TAFA1: variants seen among roughly 807,000 people sequenced by gnomAD.
TAFA1 encodes the protein chemokine-like protein TAFA-1.
A neutral mutation model predicts 18.5 loss-of-function variants in TAFA1; 4 were observed. The observed-to-expected ratio is 0.22, with a 90% CI of 0.11 to 0.49. The LOEUF is 0.49. Ranked by LOEUF, TAFA1 falls within the 20% of genes least tolerant of loss-of-function variation. The probability of loss-of-function intolerance (pLI) is 0.98; values close to 1 mark genes in which losing one functional copy is unlikely to be tolerated. For synonymous variants in TAFA1, 56 were observed against 55.2 expected, an observed-to-expected ratio of 1.01 and a Z score of -0.06; for missense variants, 147 against 169.0, an observed-to-expected ratio of 0.87 and a Z score of 0.72.
intron 2 of TAFA1, among the ~76,000 whole-genome samples, chr3:68,053,704 T>A (rs1033842329): frequency 2.0e-5 from 3 of 152,016 alleles, no homozygotes; most frequent in African/African-American, 7.2e-5. Context: ...ATTTTAGATT[T>A]TATTTTATTA....
At chr3:68,080,381 G>A (rs184209920) in intron 2 of TAFA1, among the ~76,000 whole-genome samples, 24 of 151,646 alleles carry the variant, frequency 1.6e-4, no homozygotes, top group East Asian at 1.4e-3. Flanking sequence ...TATTTTGCTC[G>A]TTAGTTGATG....
intron 2 of TAFA1, among the ~76,000 whole-genome samples, chr3:68,046,948 T>C (rs1268365564): frequency 1.3e-5 from 2 of 152,220 alleles, no homozygotes; most frequent in Admixed American, 6.6e-5. Flanking sequence ...AAACCAAGTA[T>C]GTACCTCTTG....
chr3:68,470,075 C>G (rs1421201826), intron 3 of TAFA1, among the ~76,000 whole-genome samples: 1 of 152,128 alleles, frequency 6.6e-6, no homozygotes, highest in East Asian at 1.9e-4. Flanking sequence ...ATCATGGGGA[C>G]AGTTTCTCCT....
At chr3:68,446,462 C>T (rs1172092625) in intron 3 of TAFA1, among the ~76,000 whole-genome samples, 2 of 152,090 alleles carry the variant, frequency 1.3e-5, no homozygotes, top group Non-Finnish European at 2.9e-5. Context: ...ACATAAATTC[C>T]CTTCAATACC....
chr3:68,287,664 A>G (rs779317634), intron 2 of TAFA1, among the ~76,000 whole-genome samples: 211 of 152,004 alleles, frequency 1.4e-3, no homozygotes, highest in Non-Finnish European at 2.1e-3. Context: ...TTCCGTATGC[A>G]TTTTAAGTGT....
intron 2 of TAFA1, among the ~76,000 whole-genome samples, chr3:68,229,062 C>A (rs1390482259): frequency 2.0e-5 from 3 of 152,202 alleles, no homozygotes; most frequent in South Asian, 2.1e-4. Context: ...TCTGGCTCGA[C>A]TTTTAAAAAA....
chr3:68,139,718 A>T (rs573543287), intron 2 of TAFA1, among the ~76,000 whole-genome samples: 2 of 152,290 alleles, frequency 1.3e-5, no homozygotes, highest in African/African-American at 4.8e-5. Context: ...TTGCATTTTG[A>T]TTAAGCCTTG....
At chr3:68,009,416 T>C (rs1403481795) in intron 2 of TAFA1, among the ~76,000 whole-genome samples, 2 of 152,224 alleles carry the variant, frequency 1.3e-5, no homozygotes, top group Non-Finnish European at 1.5e-5. Context: ...AATATTTGTT[T>C]TCTCCATTTT....
chr3:68,267,761 T>C (rs1052370202), intron 2 of TAFA1, among the ~76,000 whole-genome samples: 1 of 152,138 alleles, frequency 6.6e-6, no homozygotes, highest in Non-Finnish European at 1.5e-5. Context: ...CTTATATGAC[T>C]CTATGCATGT....
At chr3:68,219,638 T>C (rs2066705519) in intron 2 of TAFA1, among the ~76,000 whole-genome samples, 1 of 152,152 alleles carries the variant, frequency 6.6e-6, no homozygotes, top group African/African-American at 2.4e-5. Context: ...CCAGAGAACA[T>C]GTCTCTGATG....
intron 2 of TAFA1, among the ~76,000 whole-genome samples, chr3:68,314,095 A>G (rs186400362): frequency 1.3e-4 from 20 of 152,200 alleles, no homozygotes; most frequent in Admixed American, 1.3e-3. Context: ...GTTCTTGTTT[A>G]TTTGGCTAGG....
intron 2 of TAFA1, among the ~76,000 whole-genome samples, chr3:68,121,465 G>A (rs2065397723): frequency 6.6e-6 from 1 of 151,982 alleles, no homozygotes; most frequent in South Asian, 2.1e-4. Flanking sequence ...TTTATTTTTG[G>A]TGTTCCAAGA....
chr3:68,405,699 CAAAAAAAAAAAAAAAAAA>C (rs56258198), intron 2 of TAFA1, among the ~76,000 whole-genome samples: 622 of 32,824 alleles, frequency 0.019, 14 homozygotes, highest in Middle Eastern at 0.071. Flanking sequence ...GACTCTATCT[CAAAAAAAAAAAAAAAAAA>C]AAAAAAAAAA....
chr3:68,182,605 C>A (rs949153090), intron 2 of TAFA1, among the ~76,000 whole-genome samples: 1 of 152,070 alleles, frequency 6.6e-6, no homozygotes, highest in Non-Finnish European at 1.5e-5. Context: ...TTAACATGAA[C>A]AACATCCAAC....
intron 2 of TAFA1, among the ~76,000 whole-genome samples, chr3:68,305,409 CTATATATATATATATA>C (rs773025236): frequency 0.013 from 497 of 38,202 alleles, 11 homozygotes; most frequent in African/African-American, 0.051. Context: ...GACTATATGA[CTATATATATATATATA>C]TATATATATA....
intron 2 of TAFA1, among the ~76,000 whole-genome samples, chr3:68,208,743 C>G (rs1370500595): frequency 6.6e-6 from 1 of 151,946 alleles, no homozygotes; most frequent in Non-Finnish European, 1.5e-5. Context: ...TTTGCATATG[C>G]CTGTAGCTCA....
intron 2 of TAFA1, among the ~76,000 whole-genome samples, chr3:68,204,371 C>G (rs1295919617): frequency 6.6e-6 from 1 of 151,756 alleles, no homozygotes; most frequent in Non-Finnish European, 1.5e-5. Context: ...GAAAGCCCCC[C>G]ACTTACACTG....
intron 2 of TAFA1, among the ~76,000 whole-genome samples, chr3:68,391,743 T>G (rs2070253635): frequency 6.6e-6 from 1 of 152,164 alleles, no homozygotes; most frequent in South Asian, 2.1e-4. Flanking sequence ...ACTCAGAATT[T>G]CATATCCAGC....
At chr3:68,186,990 C>A (rs1281792037) in intron 2 of TAFA1, among the ~76,000 whole-genome samples, 1 of 151,440 alleles carries the variant, frequency 6.6e-6, no homozygotes, top group Non-Finnish European at 1.5e-5. Flanking sequence ...AAAAAAAAAG[C>A]CAGTTTGCTT....
Sources: gnomAD v4.1 joint callset for allele counts (sites outside exome capture counted in the v4.1 genomes callset) on GRCh38, gnomAD v4.1.1 for gene constraint, MANE v1.5 for transcripts, NCBI Gene and HGNC (gene_info 2026-07-23, HGNC 2026-07-21) for gene names.